ZNF223: variants seen among roughly 807,000 people sequenced by gnomAD.
ZNF223 encodes the protein zinc finger protein 223.
In ZNF223, 9 loss-of-function variants were observed where a neutral mutation model predicts 12.3. That is an observed-to-expected ratio of 0.73 (90% CI 0.44 to 1.28). The LOEUF is 1.28. ZNF223 is among the 50% of genes most tolerant of loss of function. The pLI, the probability that ZNF223 is intolerant of heterozygous loss-of-function variation, is 0.00. For synonymous variants in ZNF223, 171 were observed against 195.2 expected, an observed-to-expected ratio of 0.88 and a Z score of 1.03; for missense variants, 506 against 579.0, an observed-to-expected ratio of 0.87 and a Z score of 1.29.
At chr19:44,053,416 G>A (rs561221745) in intron 1 of ZNF223, among the ~76,000 whole-genome samples, 2 of 152,200 alleles carry the variant, frequency 1.3e-5, no homozygotes, top group Non-Finnish European at 2.9e-5. Context: ...GAAAGGAGTT[G>A]TGCCTGGATG....
rs150772570 is a variant in ZNF223 at position 44,061,690 on chromosome 19, G to A, written c.235+849G>A. On this transcript the variant is annotated intron_variant, in intron 4 of 4. Transcript: ENST00000434772. ...GCCTTAATCTGCCTTGCTGTGTAAT[G>A]TGTCAGAATCATAGGTCCTGAAGGC... Among the ~76,000 whole-genome samples, 574 of 152,326 alleles carry A rather than the reference G, an allele frequency of 3.8e-3. 3 individuals are homozygous for A. The highest frequency in any genetic ancestry group is 0.013 in the African/African-American group (542 of 41,562).
chr19:44,055,342 T>C (rs1289331026), intron 2 of ZNF223, 151 bp downstream of exon 2: 2 of 824,818 alleles, frequency 2.4e-6, no homozygotes, highest in Non-Finnish European at 3.9e-6. Flanking sequence ...TTAGTGGAGA[T>C]GGGGTTTCAT....
At position 44,053,720 on chromosome 19, in the gene ZNF223, G is replaced by A. The variant is rs528008549; in HGVS notation, c.-68-1389G>A. ...GACGGTCAGGTCTTTCCCTTCCCAC[G>A]AGGCCATCTCTCAGGCTGTCTCAGT... On this transcript the variant is annotated intron_variant, in intron 1 of 4. Transcript: ENST00000434772. Among the ~76,000 whole-genome samples, 25 of 152,168 alleles carry A rather than the reference G, an allele frequency of 1.6e-4. No individual in the cohort carries two copies. The South Asian group carries it at 1.7e-3, about 10-fold the overall frequency.
chr19:44,057,744 A>C (rs1364188946), intron 2 of ZNF223, among the ~76,000 whole-genome samples: 1 of 152,232 alleles, frequency 6.6e-6, no homozygotes, highest in Non-Finnish European at 1.5e-5. Context: ...TGCAATAAGC[A>C]TATGTGGTTT....
In ZNF223 at chr19:44,067,522, C is replaced by T. The variant is rs184621820; in HGVS notation, c.*245C>T. On this transcript the variant is annotated 3_prime_UTR_variant, in exon 5 of 5. Coordinates refer to ENST00000434772, the MANE Select transcript of ZNF223 (RefSeq NM_013361.6). ...CTGTACTTTTGCATCCATTAGCCAACCTTTGGCCATCCCACCTATCCCTTA... is the reference window on the plus strand; with the variant it reads ...CTGTACTTTTGCATCCATTAGCCAATCTTTGGCCATCCCACCTATCCCTTA... 11 of 543,794 alleles carry T rather than the reference C, an allele frequency of 2.0e-5. No homozygotes were observed. In the East Asian group the frequency reaches 3.7e-4, roughly 18 times the overall value. The allele number at this position is 543,794 out of a possible 1,614,324, so 33.7% of individuals were successfully genotyped here.
rs1568515926 is a variant in ZNF223, at chr19:44,066,832, A to C, written c.1004A>C (p.Gln335Pro). The change falls in exon 5 of 5, where the codon CAG (glutamine) becomes CCG (proline). Residue 335 changes from glutamine (Q) to proline (P), a missense_variant. Physicochemically the swap from Gln to Pro is moderately conservative, Grantham distance 76. Transcript: ENST00000434772. ...CGTAGGCTGGATTTGTGTAAGCATCAGACGATCCACACAGGAGAGAAACCA... is the reference window on the plus strand; with the variant it reads ...CGTAGGCTGGATTTGTGTAAGCATCCGACGATCCACACAGGAGAGAAACCA... ...FIRRLDLCKH[Q>P]TIHTGEKPYN... is the part of the protein sequence containing the mutation. 1.2e-6 allele frequency: 2 copies of C among 1,613,768 alleles called. No individual in the cohort carries two copies. The highest frequency in any genetic ancestry group is 1.7e-6 in the Non-Finnish European group (2 of 1,179,916).
At chr19:44,062,616 A>G (rs1292731151) in intron 4 of ZNF223, among the ~76,000 whole-genome samples, 1 of 150,500 alleles carries the variant, frequency 6.6e-6, no homozygotes, top group Non-Finnish European at 1.5e-5. Flanking sequence ...TGTGCAGTTG[A>G]CCCATGTCCT....
At chr19:44,057,971 G>T (rs1017935310) in intron 2 of ZNF223, among the ~76,000 whole-genome samples, 8 of 152,300 alleles carry the variant, frequency 5.3e-5, no homozygotes, top group African/African-American at 1.9e-4. Context: ...GCTCAAGAAA[G>T]CTACCTGGAG....
Position 44,066,450 on chromosome 19 carries a change from G to A in ZNF223, c.622G>A (p.Val208Met), listed in dbSNP as rs574304598. The A allele has an allele frequency of 1.8e-5, 29 of 1,614,178 alleles. No homozygotes were observed. Among genetic ancestry groups the A allele is most frequent in the African/African-American group, 1.2e-4 (9 of 75,026 alleles). ...HLGEKLFKCD[V>M]CGKEFSQSLH... ...GGGAGAGAAACTCTTTAAGTGTGAC[G>A]TGTGTGGTAAGGAATTCAGTCAGAG... The change falls in exon 5 of 5, where the codon GTG (valine) becomes ATG (methionine). Residue 208 changes from valine (V) to methionine (M), a missense_variant. By Grantham distance (21) the Val-to-Met change is conservative. Coordinates refer to ENST00000434772, the MANE Select transcript of ZNF223 (RefSeq NM_013361.6).
intron 2 of ZNF223, among the ~76,000 whole-genome samples, chr19:44,056,585 A>ATTTTTT (rs775187674): frequency 1.2e-4 from 9 of 72,158 alleles, no homozygotes; most frequent in African/African-American, 3.4e-4. Context: ...ATGCCTCACC[A>ATTTTTT]TTTTTTTTTT....
chr19:44,060,558 A>C lies in ZNF223; in HGVS notation c.119A>C (p.Asn40Thr). 6.2e-7 allele frequency: 1 copy of C among 1,614,040 alleles called. No homozygotes were observed. Among genetic ancestry groups the C allele is most frequent in the African/African-American group, 1.3e-5 (1 of 74,986 alleles). ...RKLYRDVMLE[N>T]FRNLLSVGHQ... ...CTGTATCGAGATGTGATGCTGGAGA[A>C]CTTCAGGAACCTGCTGTCAGTGGGT... Residue 40 changes from asparagine to threonine, a missense_variant, in exon 3 of 5, where the codon AAC becomes ACC. Coordinates refer to ENST00000434772, the MANE Select transcript of ZNF223 (RefSeq NM_013361.6).
At position 44,066,267 on chromosome 19, in the gene ZNF223, C is replaced by T. The variant is rs139629648; in HGVS notation, c.439C>T (p.Pro147Ser). Reference protein sequence around the residue: ...GLSIMHTGQKPSNCGKCKQSF... With the variant: ...GLSIMHTGQKSSNCGKCKQSF... ...ATCTATAATGCACACAGGACAGAAA[C>T]CTTCCAATTGTGGGAAGTGTAAACA... Residue 147 changes from proline (P) to serine (S), a missense_variant, in exon 5 of 5, where the codon CCT (proline) becomes TCT (serine). Transcript: ENST00000434772. 1.3e-4 allele frequency: 212 copies of T among 1,614,228 alleles called. No homozygotes were observed. In the Middle Eastern group the frequency reaches 2.6e-3, roughly 20 times the overall value.
Position 44,066,162 on chromosome 19 carries a change from A to G in ZNF223, c.334A>G (p.Thr112Ala). The change falls in exon 5 of 5, where the codon ACC (threonine) becomes GCC (alanine). Residue 112 changes from threonine (T) to alanine (A), a missense_variant. Coordinates refer to ENST00000434772, the MANE Select transcript of ZNF223 (RefSeq NM_013361.6). Reference protein sequence around the residue: ...QIWEEIASDLTRPQDSTIKSS... With the variant: ...QIWEEIASDLARPQDSTIKSS... The stretch of plus-strand genomic sequence containing the variant: ...CTGGGAAGAAATTGCAAGTGATTTA[A>G]CCAGGCCTCAAGACTCTACCATAAA... 1 of 1,614,164 alleles carries G rather than the reference A, an allele frequency of 6.2e-7. No individual in the cohort carries two copies. The highest frequency in any genetic ancestry group is 8.5e-7 in the Non-Finnish European group (1 of 1,180,016).
In ZNF223 at chr19:44,066,677, A is replaced by G. The variant is rs1341910660; in HGVS notation, c.849A>G (p.Thr283=). The stretch of plus-strand genomic sequence containing the variant: ...TTCAGAAACATCAGAGAATTCACAC[A>G]GGGGAGAAGCCATTCAAATGTGAGA... ...FQLQKHQRIH[T]GEKPFKCEIC... is the part of the protein sequence containing the mutation. The change falls in exon 5 of 5, where the codon ACA becomes ACG. Residue 283 remains threonine, a synonymous_variant. Coordinates refer to ENST00000434772, the MANE Select transcript of ZNF223 (RefSeq NM_013361.6). 2 of 1,613,522 alleles carry G rather than the reference A, an allele frequency of 1.2e-6. No homozygotes were observed. Among genetic ancestry groups the G allele is most frequent in the Non-Finnish European group, 1.7e-6 (2 of 1,180,014 alleles).
intron 1 of ZNF223, among the ~76,000 whole-genome samples, chr19:44,054,077 A>T (rs1976735066): frequency 6.6e-6 from 1 of 151,652 alleles, no homozygotes; most frequent in Non-Finnish European, 1.5e-5. Flanking sequence ...TAACAGCCTG[A>T]TCTCTTTTTC....
chr19:44,057,809 C>T (rs1357145064), intron 2 of ZNF223, among the ~76,000 whole-genome samples: 1 of 152,212 alleles, frequency 6.6e-6, no homozygotes, highest in Non-Finnish European at 1.5e-5. Context: ...TACCATGGAG[C>T]AGGTTCACTG....
chr19:44,055,306 T>G, intron 2 of ZNF223, 115 bp downstream of exon 2: 2 of 1,173,862 alleles, frequency 1.7e-6, no homozygotes, highest in African/African-American at 1.5e-5. Flanking sequence ...TGAGGATCTC[T>G]TGTCACCTGG....
Position 44,066,202 on chromosome 19 carries a change from TTGAAC to T in ZNF223, c.375_379del (p.Phe125LeufsTer3), listed in dbSNP as rs754315109. Reference sequence around the variant, plus strand: ...TCTACCATAAAGAGCTCTCAGTTCTTTGAACAGGGTGATGCCCACTCCCAGGTTGA... The same window carrying T: ...TCTACCATAAAGAGCTCTCAGTTCTTAGGGTGATGCCCACTCCCAGGTTGA... On this transcript the variant is annotated frameshift_variant, in exon 5 of 5. Transcript: ENST00000434772. LOFTEE classifies it low-confidence loss of function (END_TRUNC). The T allele has an allele frequency of 2.5e-6, 4 of 1,614,196 alleles. No homozygotes were observed. The highest frequency in any genetic ancestry group is 3.4e-6 in the Non-Finnish European group (4 of 1,180,038).
intron 4 of ZNF223, among the ~76,000 whole-genome samples, chr19:44,063,790 C>G (rs906048094): frequency 6.6e-6 from 1 of 152,154 alleles, no homozygotes; most frequent in African/African-American, 2.4e-5. Flanking sequence ...CAGCTGAAAT[C>G]TTTTATGGTC....
Sources: allele counts gnomAD v4.1 joint callset (sites outside exome capture counted in the v4.1 genomes callset), GRCh38; gene constraint gnomAD v4.1.1; transcripts MANE v1.5; gene names NCBI Gene and HGNC (gene_info 2026-07-23, HGNC 2026-07-21).